The following HMGB1 variants were observed in gnomAD, a reference collection of about 807,000 sequenced individuals.
HMGB1 encodes high mobility group protein B1.
For missense variants in HMGB1, 79 were observed against 253.5 expected, an observed-to-expected ratio of 0.31 and a Z score of 4.67; for synonymous variants, 81 against 84.0, an observed-to-expected ratio of 0.96 and a Z score of 0.19.
chr13:30,546,666 T>A (rs1305433750), intron 1 of HMGB1, among the ~76,000 whole-genome samples: 1 of 151,712 alleles, frequency 6.6e-6, no homozygotes, highest in African/African-American at 2.4e-5. Flanking sequence ...GTATTTCTTC[T>A]TAGAGATGGG....
rs550092895 is a variant in HMGB1, at chr13:30,491,459, G to A, written c.-14-27765C>T. 1.9e-3 allele frequency among the ~76,000 whole-genome samples: 286 copies of A among 152,124 alleles called. 2 individuals are homozygous for A. Among genetic ancestry groups the A allele is most frequent in the African/African-American group, 6.6e-3 (273 of 41,550 alleles). ...AACACTTCAGGAGGCTGAGGCAGGC[G>A]GATAGCCAGCCTGGGCAACATGGCA... On this transcript the variant is annotated intron_variant, in intron 1 of 4. Coordinates refer to the HMGB1 transcript ENST00000405805.
At chr13:30,527,853 G>A (rs1888403333) in intron 1 of HMGB1, among the ~76,000 whole-genome samples, 1 of 152,100 alleles carries the variant, frequency 6.6e-6, no homozygotes, top group Non-Finnish European at 1.5e-5. Context: ...TCTGAAAGAT[G>A]TGTGCTCTTC....
chr13:30,521,259 C>T (rs1888232431), intron 1 of HMGB1, among the ~76,000 whole-genome samples: 1 of 152,136 alleles, frequency 6.6e-6, no homozygotes, highest in African/African-American at 2.4e-5. Context: ...AATCTACCCA[C>T]TTAAAATGAA....
chr13:30,546,253 C>T (rs746045625), intron 1 of HMGB1, among the ~76,000 whole-genome samples: 12 of 152,158 alleles, frequency 7.9e-5, no homozygotes, highest in Non-Finnish European at 1.5e-4. Flanking sequence ...GTAGCTGGGA[C>T]TACAGGTGTG....
At chr13:30,500,864 G>A (rs1389239586) in intron 1 of HMGB1, among the ~76,000 whole-genome samples, 3 of 151,968 alleles carry the variant, frequency 2.0e-5, no homozygotes, top group Non-Finnish European at 4.4e-5. Flanking sequence ...GGTGGGATGG[G>A]GTTTCGCCAT....
chr13:30,538,016 G>A (rs374243310), intron 1 of HMGB1, among the ~76,000 whole-genome samples: 8 of 152,136 alleles, frequency 5.3e-5, no homozygotes, highest in African/African-American at 1.9e-4. Flanking sequence ...ACAGTCCCCT[G>A]CCCAGAGCAG....
At chr13:30,498,255 G>A (rs1887656271) in intron 1 of HMGB1, among the ~76,000 whole-genome samples, 1 of 152,188 alleles carries the variant, frequency 6.6e-6, no homozygotes. Context: ...AGGAGGTGGA[G>A]GTTGTAGTGA....
intron 1 of HMGB1, among the ~76,000 whole-genome samples, chr13:30,521,364 T>C (rs1242059149): frequency 6.6e-6 from 1 of 152,210 alleles, no homozygotes; most frequent in African/African-American, 2.4e-5. Context: ...CAATTAGTAG[T>C]TAGTATCCAT....
At chr13:30,583,627 T>C (rs1285781817) in intron 1 of HMGB1, among the ~76,000 whole-genome samples, 1 of 145,512 alleles carries the variant, frequency 6.9e-6, no homozygotes, top group African/African-American at 2.6e-5. Flanking sequence ...GATCATGAGG[T>C]CAAGAGATCG....
chr13:30,605,291 T>C (rs1950446672), intron 1 of HMGB1, among the ~76,000 whole-genome samples: 1 of 152,082 alleles, frequency 6.6e-6, no homozygotes, highest in African/African-American at 2.4e-5. Flanking sequence ...AATATGAACT[T>C]GGGAGTCTCC....
At chr13:30,464,696 G>A (rs1009897580) in intron 1 of HMGB1, 2 of 941,896 alleles carry the variant, frequency 2.1e-6, no homozygotes, top group Non-Finnish European at 2.5e-6. Flanking sequence ...GCCGCTGCGC[G>A]TCTTCTCCGC....
chr13:30,538,623 C>CCT (rs1868644282), intron 1 of HMGB1, among the ~76,000 whole-genome samples: 1 of 94,734 alleles, frequency 1.1e-5, no homozygotes, highest in African/African-American at 5.8e-5. Context: ...CTTTCTCTCT[C>CCT]TCTTTCTTTT....
intron 1 of HMGB1, among the ~76,000 whole-genome samples, chr13:30,475,134 CTCTCTTTTT>C (rs1337412558): frequency 2.2e-5 from 1 of 45,694 alleles, no homozygotes; most frequent in Non-Finnish European, 3.8e-5. Flanking sequence ...CTCTCTCTCT[CTCTCTTTTT>C]TTTTTTTTTT....
In HMGB1 at chr13:30,460,506, G is replaced by A. The variant is rs1347492233; in HGVS notation, c.*851C>T. The A allele has an allele frequency of 6.6e-6, 1 of 151,694 alleles. No homozygotes were observed. The highest frequency in any genetic ancestry group is 2.4e-5 in the African/African-American group (1 of 41,146). 9.4% of individuals were successfully genotyped at this position (151,694 alleles called of 1,614,324 possible). ...CTGCAAAATATAACTGCCATTACAT[G>A]GTAATGGGAGTTAAAGAATAGAGTC... is the stretch of plus-strand genomic sequence containing the variant. On this transcript the variant is annotated 3_prime_UTR_variant, in exon 5 of 5. Coordinates refer to ENST00000341423, the MANE Select transcript of HMGB1 (RefSeq NM_002128.7).
chr13:30,612,583 C>A (rs2137576956), intron 1 of HMGB1, among the ~76,000 whole-genome samples: 1 of 152,304 alleles, frequency 6.6e-6, no homozygotes, highest in South Asian at 2.1e-4. Context: ...TTTCTGTTGA[C>A]AATTATTTTA....
At chr13:30,476,118 CTTTT>C (rs71093065) in intron 1 of HMGB1, among the ~76,000 whole-genome samples, 2 of 109,494 alleles carry the variant, frequency 1.8e-5, no homozygotes, top group African/African-American at 3.5e-5. Flanking sequence ...GTGGCATGTA[CTTTT>C]TTTTTTTTTT....
At chr13:30,469,904 C>T (rs1419700246), upstream of HMGB1, among the ~76,000 whole-genome samples, 1 of 152,232 alleles carries the variant, frequency 6.6e-6, no homozygotes, top group Non-Finnish European at 1.5e-5. Context: ...GCTGGGATTA[C>T]AGGCATGAGC....
chr13:30,537,651 T>TCATATATA (rs1868502820), intron 1 of HMGB1, among the ~76,000 whole-genome samples: 1 of 69,252 alleles, frequency 1.4e-5, no homozygotes, highest in African/African-American at 4.8e-5. Context: ...TCATTCTTGT[T>TCATATATA]CATATATATA....
At chr13:30,613,339 T>C (rs1172415266) in intron 1 of HMGB1, among the ~76,000 whole-genome samples, 1 of 152,220 alleles carries the variant, frequency 6.6e-6, no homozygotes, top group Non-Finnish European at 1.5e-5. Flanking sequence ...ATTGTTTTCT[T>C]ACTGGTAAAG....
Sources: allele counts gnomAD v4.1 joint callset (sites outside exome capture counted in the v4.1 genomes callset), GRCh38; gene constraint gnomAD v4.1.1; transcripts MANE v1.5; gene names NCBI Gene and HGNC (gene_info 2026-07-23, HGNC 2026-07-21).